FAAP20: variants seen among roughly 807,000 people sequenced by gnomAD.
FAAP20 encodes FA core complex associated protein 20, also known as Fanconi anemia core complex-associated protein 20.
A neutral mutation model predicts 16.2 loss-of-function variants in FAAP20; 12 were observed. The observed-to-expected ratio is 0.74, with a 90% CI of 0.48 to 1.20. FAAP20 has a LOEUF of 1.20. Among genes scored for constraint, FAAP20 ranks in the 50% most tolerant of loss-of-function variants. The pLI is 0.00. For missense variants in FAAP20, 288 were observed against 245.8 expected, an observed-to-expected ratio of 1.17 and a Z score of -1.15; for synonymous variants, 141 against 110.7, an observed-to-expected ratio of 1.27 and a Z score of -1.72.
At chr1:2,199,175 C>T, upstream of FAAP20, 1 of 1,179,498 alleles carries the variant, frequency 8.5e-7, no homozygotes, top group Non-Finnish European at 1.1e-6. The surrounding 1 kb of genome is among the most constrained non-coding windows in gnomAD (Gnocchi z 4.5). Context: ...CAGCCATGGC[C>T]TGTGTCTGGG....
chr1:2,193,420 C>G (rs1374343514), intron 3 of FAAP20: 2 of 702,308 alleles, frequency 2.8e-6, no homozygotes, highest in Non-Finnish European at 4.5e-6. Context: ...TGTGGGCCCC[C>G]AGCCTGCCCT....
downstream of FAAP20, among the ~76,000 whole-genome samples, chr1:2,210,519 C>T (rs1293144687): frequency 6.6e-6 from 1 of 152,156 alleles, no homozygotes; most frequent in Non-Finnish European, 1.5e-5. Context: ...GTCACAGGCT[C>T]TGCTTCGGCA....
At chr1:2,184,675 C>T (rs56402864), downstream of FAAP20, 39 of 1,613,614 alleles carry the variant, frequency 2.4e-5, no homozygotes, top group African/African-American at 5.3e-5. Flanking sequence ...CCAGCGAGCC[C>T]GTGCAGCTGA....
At chr1:2,206,729 A>G (rs1345361067) in intron 1 of FAAP20, 1 of 149,886 alleles carries the variant, frequency 6.7e-6, no homozygotes, top group East Asian at 2.0e-4. Context: ...GCTACTCGGG[A>G]GGTTGAGGCA....
upstream of FAAP20, chr1:2,199,485 C>T: frequency 1.0e-6 from 1 of 994,496 alleles, no homozygotes; most frequent in Non-Finnish European, 1.2e-6. The surrounding 1 kb of genome is among the most constrained non-coding windows in gnomAD (Gnocchi z 4.5). Flanking sequence ...TTGGTCTACC[C>T]AGGAGGGCGG....
rs1187555836 is a variant in FAAP20 at position 2,193,817 on chromosome 1, C to G, written c.292G>C (p.Gly98Arg). The G allele has an allele frequency of 6.2e-7, 1 of 1,609,864 alleles. No homozygotes were observed. Among genetic ancestry groups the G allele is most frequent in the Non-Finnish European group, 8.5e-7 (1 of 1,179,048 alleles). ...CCGTGAAGCAGCCGGTAGGAACGGC[C>G]CGGGCCCCACAGGTCCGGCGGAAAG... is the stretch of plus-strand genomic sequence containing the variant. ...TPFPPDLWGP[G>R]RSYRLLHGAG... Residue 98 changes from glycine (G) to arginine (R), a missense_variant, in exon 3 of 4, where the codon GGC becomes CGC. Coordinates refer to ENST00000378546, the MANE Select transcript of FAAP20 (RefSeq NM_182533.4).
chr1:2,208,458 A>G (rs1261769529), downstream of FAAP20, among the ~76,000 whole-genome samples: 17 of 151,952 alleles, frequency 1.1e-4, no homozygotes, highest in Admixed American at 1.1e-3. Flanking sequence ...GTTAAACATT[A>G]CTCATGGCGA....
chr1:2,186,075 G>T, downstream of FAAP20: 1 of 454,208 alleles, frequency 2.2e-6, no homozygotes, highest in Non-Finnish European at 4.4e-6. Context: ...CCAGGTGTCA[G>T]GTGTGGCAGA....
chr1:2,185,122 G>A (rs1557767400), downstream of FAAP20: 12 of 1,052,196 alleles, frequency 1.1e-5, no homozygotes, highest in Non-Finnish European at 1.5e-5. Context: ...AGGGACAGAC[G>A]CTTGCGCCGA....
chr1:2,189,971 C>T, intron 3 of FAAP20, 190 bp from the exon 4 acceptor site: 1 of 634,426 alleles, frequency 1.6e-6, no homozygotes. Flanking sequence ...GGTGTTTCCA[C>T]ACCGTGCCCG....
At chr1:2,192,843 A>T (rs754855519) in intron 3 of FAAP20, 2 of 1,260,258 alleles carry the variant, frequency 1.6e-6, no homozygotes, top group Non-Finnish European at 2.1e-6. Context: ...CCAGCAACCC[A>T]CCTGCCTCAG....
chr1:2,197,081 G>A (rs992296899), upstream of FAAP20, among the ~76,000 whole-genome samples: 15 of 152,132 alleles, frequency 9.9e-5, no homozygotes, highest in East Asian at 1.9e-4. Flanking sequence ...GATGGGCTCC[G>A]AGCCCCCTGG....
chr1:2,194,905 C>T (rs915059092), upstream of FAAP20: 1 of 682,456 alleles, frequency 1.5e-6, no homozygotes, highest in East Asian at 8.8e-5. Flanking sequence ...TGTAGGGAAA[C>T]TGAGGCCAGG....
chr1:2,203,100 T>A (rs1350848309), upstream of FAAP20, among the ~76,000 whole-genome samples: 3 of 152,288 alleles, frequency 2.0e-5, no homozygotes, highest in East Asian at 1.9e-4. Flanking sequence ...TCCCTGCCCA[T>A]GGCCTGGCAA....
chr1:2,212,292 T>C (rs1042304094), exon 2 of FAAP20: 13 of 152,500 alleles, frequency 8.5e-5, no homozygotes, highest in African/African-American at 3.1e-4. Flanking sequence ...CCTCCCAGGA[T>C]CCGGAGCAGG....
rs774949618 is a variant in FAAP20, at chr1:2,193,665, G to A, written c.444C>T (p.Pro148=). The change falls in exon 3 of 4, where the codon CCC becomes CCT. Residue 148 remains proline, a synonymous_variant. Transcript: ENST00000378546. ...VEGAAALRSC[P]MCQKEFAPRL... ...TGGGGGCGAACTCCTTCTGGCACATGGGGCAGCTGCGCAGGGCCGCGGCAC... is the reference window on the plus strand; with the variant it reads ...TGGGGGCGAACTCCTTCTGGCACATAGGGCAGCTGCGCAGGGCCGCGGCAC... 6.3e-7 allele frequency: 1 copy of A among 1,599,942 alleles called. No individual in the cohort carries two copies. Among genetic ancestry groups the A allele is most frequent in the Non-Finnish European group, 8.5e-7 (1 of 1,176,304 alleles).
At chr1:2,187,368 G>T (rs1194341813), downstream of FAAP20, among the ~76,000 whole-genome samples, 1 of 150,668 alleles carries the variant, frequency 6.6e-6, no homozygotes, top group Admixed American at 6.6e-5. Context: ...GCAGTGGCGA[G>T]ATCTCGGCTC....
At chr1:2,206,199 G>A (rs931914281) in intron 3 of FAAP20, 1 of 152,362 alleles carries the variant, frequency 6.6e-6, no homozygotes, top group Non-Finnish European at 1.5e-5. Flanking sequence ...CGTGAAGGAG[G>A]AAGAGAGGCT....
chr1:2,200,755 C>T, upstream of FAAP20: 6 of 993,950 alleles, frequency 6.0e-6, no homozygotes, highest in Non-Finnish European at 7.2e-6. Flanking sequence ...CCTCGGTCTC[C>T]TGTCCACCAC....
Sources: allele counts gnomAD v4.1 joint callset (sites outside exome capture counted in the v4.1 genomes callset), GRCh38; gene constraint gnomAD v4.1.1; non-coding constraint Gnocchi (gnomAD v3.1); transcripts MANE v1.5; gene names NCBI Gene and HGNC (gene_info 2026-07-23, HGNC 2026-07-21).